XKR6: variants seen among roughly 807,000 people sequenced by gnomAD.
XKR6 encodes the protein XK related 6.
Under a neutral mutation model 56.7 loss-of-function variants are expected in XKR6, and 22 were observed. The ratio of observed to expected loss-of-function variants is 0.39; its 90% CI spans 0.28 to 0.55. The LOEUF (loss-of-function observed/expected upper bound fraction) is 0.55, where lower values mean the gene tolerates loss of function less well. Ranked by LOEUF, XKR6 falls within the 20% of genes least tolerant of loss-of-function variation. The pLI is 0.66. For synonymous variants in XKR6, 524 were observed against 387.8 expected (o/e 1.35, Z -4.13); for missense variants, 852 against 889.0 (o/e 0.96, Z 0.53).
At chr8:11,110,335 C>G (rs956684223) in intron 1 of XKR6, among the ~76,000 whole-genome samples, 1 of 152,132 alleles carries the variant, frequency 6.6e-6, no homozygotes, top group Non-Finnish European at 1.5e-5. Flanking sequence ...GCCAATTTCT[C>G]TTAAAACAAG....
intron 2 of XKR6, among the ~76,000 whole-genome samples, chr8:10,909,022 C>T (rs577085260): frequency 1.2e-4 from 19 of 152,034 alleles, no homozygotes; most frequent in Middle Eastern, 3.2e-3. Flanking sequence ...AAAATTTAGC[C>T]GGGTGTGGTG....
intron 1 of XKR6, among the ~76,000 whole-genome samples, chr8:11,072,326 C>A (rs1800153359): frequency 1.3e-5 from 2 of 150,186 alleles, no homozygotes; most frequent in Non-Finnish European, 3.0e-5. Context: ...AGGGCTCCAC[C>A]CCCTCTCTGT....
intron 1 of XKR6, among the ~76,000 whole-genome samples, chr8:11,179,911 T>G (rs73530592): frequency 1.3e-5 from 2 of 152,042 alleles, no homozygotes; most frequent in South Asian, 4.2e-4. Flanking sequence ...TGTAGGGGAA[T>G]TGCTCAAGCC....
chr8:11,068,392 G>C (rs201944639), intron 1 of XKR6, among the ~76,000 whole-genome samples: 1 of 152,186 alleles, frequency 6.6e-6, no homozygotes, highest in Non-Finnish European at 1.5e-5. Context: ...ATGAAGGACT[G>C]TCCTGCCCAA....
chr8:10,960,865 A>G (rs777073074), intron 1 of XKR6, among the ~76,000 whole-genome samples: 6 of 152,246 alleles, frequency 3.9e-5, no homozygotes, highest in African/African-American at 1.4e-4. Context: ...CTTGCATTCC[A>G]GTGGGGACTG....
At chr8:11,066,250 C>A (rs185757117) in intron 1 of XKR6, among the ~76,000 whole-genome samples, 1 of 152,258 alleles carries the variant, frequency 6.6e-6, no homozygotes, top group Admixed American at 6.5e-5. Context: ...TCCTGTCAAA[C>A]TGATCTGGTC....
intron 2 of XKR6, among the ~76,000 whole-genome samples, chr8:10,919,649 G>A (rs1800657896): frequency 6.6e-6 from 1 of 152,174 alleles, no homozygotes; most frequent in African/African-American, 2.4e-5. Flanking sequence ...ACTTAGGAAA[G>A]TAACTTGCCT....
At chr8:11,085,868 G>A (rs752843992) in intron 1 of XKR6, among the ~76,000 whole-genome samples, 7 of 152,138 alleles carry the variant, frequency 4.6e-5, no homozygotes, top group Non-Finnish European at 1.0e-4. Context: ...CGTCACTCAG[G>A]GAGTCTGAGA....
chr8:11,147,703 A>G (rs906320732), intron 1 of XKR6, among the ~76,000 whole-genome samples: 1 of 152,028 alleles, frequency 6.6e-6, no homozygotes, highest in African/African-American at 2.4e-5. Flanking sequence ...ATATGAAAAT[A>G]TGCTCAACAT....
At position 11,201,006 on chromosome 8, in the gene XKR6, C is replaced by T; in HGVS notation, c.334G>A (p.Ala112Thr). 2 of 1,384,918 alleles carry T rather than the reference C, an allele frequency of 1.4e-6. No individual in the cohort carries two copies. The highest frequency in any genetic ancestry group is 9.4e-7 in the Non-Finnish European group (1 of 1,068,886). The allele number at this position is 1,384,918 out of a possible 1,614,324, so 85.8% of individuals were successfully genotyped here. A position where few individuals can be genotyped will look rare whatever the true frequency, so the allele number is the denominator to read the frequency against. ...GAGRQPPTPSAARPEPPPPQV... is the reference protein window; with the variant it reads ...GAGRQPPTPSTARPEPPPPQV... ...GGCGGCGGCGGCTCCGGCCGCGCGGCCGAGGGCGTCGGGGGTTGGCGGCCG... is the reference window on the plus strand; with the variant it reads ...GGCGGCGGCGGCTCCGGCCGCGCGGTCGAGGGCGTCGGGGGTTGGCGGCCG... The change falls in exon 1 of 3, where the codon GCC (alanine) becomes ACC (threonine). Residue 112 changes from alanine (A) to threonine (T), a missense_variant. Ala to Thr is a moderately conservative substitution (Grantham distance 58). Coordinates refer to ENST00000416569, the MANE Select transcript of XKR6 (RefSeq NM_173683.4).
At position 11,040,288 on chromosome 8, in the gene XKR6, G is replaced by A. The variant is rs188254123; in HGVS notation, c.765-115458C>T. ...TGGAATCCCAGCACTCTGAGAGGCC[G>A]AAGCAGGAGGATTGCTTGAGCCCAG... On this transcript the variant is annotated intron_variant, in intron 1 of 2. Coordinates refer to ENST00000416569, the MANE Select transcript of XKR6 (RefSeq NM_173683.4). Among the ~76,000 whole-genome samples, 7 of 150,612 alleles carry A rather than the reference G, an allele frequency of 4.6e-5. No homozygotes were observed. The East Asian group carries it at 9.8e-4, about 21-fold the overall frequency.
chr8:11,158,686 T>C (rs765256993), intron 1 of XKR6, among the ~76,000 whole-genome samples: 11 of 152,214 alleles, frequency 7.2e-5, no homozygotes, highest in Non-Finnish European at 1.5e-4. Flanking sequence ...ATTCTATTTA[T>C]ACAATCGTAT....
intron 1 of XKR6, among the ~76,000 whole-genome samples, chr8:11,133,796 A>G (rs949896729): frequency 2.0e-5 from 3 of 152,128 alleles, no homozygotes; most frequent in African/African-American, 7.2e-5. Context: ...CAACCACCCC[A>G]CATCCAAAAC....
chr8:10,922,685 CA>C (rs1295331843), intron 2 of XKR6, among the ~76,000 whole-genome samples: 2 of 152,228 alleles, frequency 1.3e-5, no homozygotes, highest in Non-Finnish European at 2.9e-5. Context: ...CAGCCAATCA[CA>C]CCAGTTCGTT....
chr8:11,150,948 G>T (rs755083596), intron 1 of XKR6, among the ~76,000 whole-genome samples: 2 of 150,208 alleles, frequency 1.3e-5, no homozygotes, highest in African/African-American at 2.5e-5. Context: ...TAATAAAGAT[G>T]TGTGTTGTTC....
chr8:11,081,858 G>T, intron 1 of XKR6, among the ~76,000 whole-genome samples: 1 of 152,216 alleles, frequency 6.6e-6, no homozygotes, highest in Admixed American at 6.5e-5. Context: ...GCTGCCTCTT[G>T]GCCTGTGTCA....
intron 1 of XKR6, among the ~76,000 whole-genome samples, chr8:11,133,196 T>C (rs1013913167): frequency 6.6e-6 from 1 of 150,632 alleles, no homozygotes; most frequent in Non-Finnish European, 1.5e-5. Flanking sequence ...CTTTCAGTCA[T>C]CAGAAGTAAG....
At chr8:10,957,539 G>C (rs1216454614) in intron 1 of XKR6, among the ~76,000 whole-genome samples, 1 of 152,148 alleles carries the variant, frequency 6.6e-6, no homozygotes, top group Non-Finnish European at 1.5e-5. Flanking sequence ...TGTCTTGCAG[G>C]CTCCCAGGAG....
intron 1 of XKR6, among the ~76,000 whole-genome samples, chr8:11,089,519 C>G (rs1018573653): frequency 8.5e-5 from 13 of 152,080 alleles, no homozygotes; most frequent in African/African-American, 3.1e-4. Context: ...TGCTTATAGT[C>G]CCAGCTACAA....
Sources: allele counts gnomAD v4.1 joint callset (sites outside exome capture counted in the v4.1 genomes callset), GRCh38; gene constraint gnomAD v4.1.1; transcripts MANE v1.5; gene names NCBI Gene and HGNC (gene_info 2026-07-23, HGNC 2026-07-21).